Variants in PCDHGA2 observed in about 807,000 individuals in gnomAD.
The protein encoded by PCDHGA2 is protocadherin gamma subfamily A, 2.
A neutral mutation model predicts 59.2 loss-of-function variants in PCDHGA2; 40 were observed. The observed-to-expected ratio is 0.68, with a 90% CI of 0.52 to 0.88. The LOEUF (loss-of-function observed/expected upper bound fraction) is 0.88, where lower values mean the gene tolerates loss of function less well. PCDHGA2 is among the 40% of genes least tolerant of loss of function. The pLI, the probability that PCDHGA2 is intolerant of heterozygous loss-of-function variation, is 0.00. For missense variants in PCDHGA2, 1,226 were observed against 1,204.0 expected, an observed-to-expected ratio of 1.02 and a Z score of -0.27; for synonymous variants, 560 against 526.0, an observed-to-expected ratio of 1.06 and a Z score of -0.89.
At chr5:141,465,644 A>G (rs1320011410) in intron 1 of PCDHGA2, among the ~76,000 whole-genome samples, 2 of 152,186 alleles carry the variant, frequency 1.3e-5, no homozygotes, top group African/African-American at 4.8e-5. Context: ...TGCTTTGAAC[A>G]TCCCAAAAAA....
intron 1 of PCDHGA2, chr5:141,413,625 C>T (rs372855865): frequency 1.2e-6 from 2 of 1,613,854 alleles, no homozygotes; most frequent in Admixed American, 3.3e-5. Context: ...ATGAAAATGT[C>T]GCTGCGGGAA....
chr5:141,369,893 A>T (rs956763780), intron 1 of PCDHGA2, among the ~76,000 whole-genome samples: 1 of 152,230 alleles, frequency 6.6e-6, no homozygotes, highest in Non-Finnish European at 1.5e-5. Context: ...AGATATTATT[A>T]TGACCATTTT....
intron 1 of PCDHGA2, among the ~76,000 whole-genome samples, chr5:141,451,830 G>A (rs940668278): frequency 6.6e-5 from 10 of 151,238 alleles, no homozygotes; most frequent in East Asian, 1.9e-4. Flanking sequence ...ACAGTGAGCC[G>A]AGATCACACC....
At chr5:141,414,964 G>C (rs1245472476) in intron 1 of PCDHGA2, 11 of 1,613,874 alleles carry the variant, frequency 6.8e-6, no homozygotes, top group Non-Finnish European at 9.3e-6. Context: ...CAAGGTGGTG[G>C]CGGTGGACAG....
intron 1 of PCDHGA2, among the ~76,000 whole-genome samples, chr5:141,426,030 G>A (rs966664613): frequency 1.3e-5 from 2 of 152,168 alleles, no homozygotes; most frequent in Admixed American, 6.5e-5. Context: ...AATAGACTCA[G>A]AGCCCTGCTG....
chr5:141,432,421 C>T lies in PCDHGA2; in HGVS notation c.2425-62386C>T, dbSNP rs771647620. 10 of 1,614,126 alleles carry T rather than the reference C, an allele frequency of 6.2e-6. No homozygotes were observed. In the African/African-American group the frequency reaches 1.2e-4, roughly 19 times the overall value. ...TGTCGTTGAGCCTGTTCGTGCTGGA[C>T]CAGAACGACAATGCGCCCGAGATCC... On this transcript the variant is annotated intron_variant, in intron 1 of 3. Transcript: ENST00000394576. This position sits in a 1 kb window ranked among gnomAD's most constrained non-coding sequence, Gnocchi z 6.0.
intron 1 of PCDHGA2, 71 bp downstream of exon 1, chr5:141,341,466 C>T (rs1472236861): frequency 1.3e-6 from 2 of 1,593,800 alleles, no homozygotes; most frequent in Admixed American, 1.7e-5. Context: ...TTTACTATAT[C>T]TATTTTGTTC....
intron 1 of PCDHGA2, among the ~76,000 whole-genome samples, chr5:141,492,108 C>T (rs1331001233): frequency 2.6e-5 from 4 of 152,232 alleles, no homozygotes; most frequent in African/African-American, 9.6e-5. Flanking sequence ...TAGATTTCCT[C>T]TTCGATTTCT....
At chr5:141,443,328 A>C (rs569134076) in intron 1 of PCDHGA2, among the ~76,000 whole-genome samples, 24 of 151,794 alleles carry the variant, frequency 1.6e-4, no homozygotes, top group African/African-American at 4.8e-4. Context: ...AAAAAAAAAA[A>C]ACAAAAATTA....
chr5:141,393,776 C>T (rs752900835), intron 1 of PCDHGA2: 10 of 1,613,596 alleles, frequency 6.2e-6, no homozygotes, highest in South Asian at 5.5e-5. Context: ...AAATACAAGC[C>T]GAAGATGTGG....
At chr5:141,419,424 A>G (rs1197238939) in intron 1 of PCDHGA2, 1 of 1,613,230 alleles carries the variant, frequency 6.2e-7, no homozygotes, top group Admixed American at 1.7e-5. Flanking sequence ...GCCTTCGACC[A>G]CGAGCAGCTG....
At chr5:141,438,631 TATATACAC>T (rs1213304454) in intron 1 of PCDHGA2, among the ~76,000 whole-genome samples, 683 of 43,114 alleles carry the variant, frequency 0.016, 2 homozygotes, top group African/African-American at 0.049. Context: ...TATATATATA[TATATACAC>T]ACACACACAC....
At chr5:141,375,794 G>A (rs754100940) in intron 1 of PCDHGA2, 1 of 1,614,170 alleles carries the variant, frequency 6.2e-7, no homozygotes, top group East Asian at 2.2e-5. Context: ...CCCCACAGAC[G>A]GTTCCACTGG....
chr5:141,508,171 A>G (rs1364776681), intron 3 of PCDHGA2: 2 of 152,406 alleles, frequency 1.3e-5, no homozygotes, highest in African/African-American at 4.8e-5. Context: ...AGGCTGGCAC[A>G]GGAGAGAAGG....
chr5:141,355,703 AG>A, intron 1 of PCDHGA2: 1 of 1,614,000 alleles, frequency 6.2e-7, no homozygotes, highest in Non-Finnish European at 8.5e-7. Context: ...AACTCCCTGC[AG>A]GGTTACCAGC....
chr5:141,469,581 A>G (rs543624370), intron 1 of PCDHGA2, among the ~76,000 whole-genome samples: 1 of 152,340 alleles, frequency 6.6e-6, no homozygotes, highest in Admixed American at 6.5e-5. Flanking sequence ...CTCTAAATAA[A>G]TAAATAAATA....
chr5:141,418,897 A>T, intron 1 of PCDHGA2: 1 of 1,613,980 alleles, frequency 6.2e-7, no homozygotes, highest in Non-Finnish European at 8.5e-7. Flanking sequence ...ACAGCCCAGA[A>T]ATAATCATCA....
intron 1 of PCDHGA2, chr5:141,478,743 A>G: frequency 6.5e-7 from 1 of 1,528,732 alleles, no homozygotes; most frequent in Non-Finnish European, 8.8e-7. Context: ...TTGTGGTCCC[A>G]TTTCAGGGGG....
In PCDHGA2 at chr5:141,398,855, A is replaced by G. The variant is rs1376506270; in HGVS notation, c.2424+57460A>G. ...GCCAATGATAATCCCCCGGTATTCA[A>G]CCGAGACGTGTACAGAGTCAGCCTT... On this transcript the variant is annotated intron_variant, in intron 1 of 3. Coordinates refer to ENST00000394576, the MANE Select transcript of PCDHGA2 (RefSeq NM_018915.4). 2.5e-6 allele frequency: 4 copies of G among 1,613,852 alleles called. No individual in the cohort carries two copies. The African/African-American group carries it at 5.3e-5, about 22-fold the overall frequency.
Sources: allele counts gnomAD v4.1 joint callset (sites outside exome capture counted in the v4.1 genomes callset), GRCh38; gene constraint gnomAD v4.1.1; non-coding constraint Gnocchi (gnomAD v3.1); transcripts MANE v1.5; gene names NCBI Gene and HGNC (gene_info 2026-07-23, HGNC 2026-07-21).